Variants in DTNA observed in about 807,000 individuals in gnomAD.
The protein encoded by DTNA is dystrophin-related protein 3.
In DTNA, 43 loss-of-function variants were observed where a neutral mutation model predicts 100.7. The ratio of observed to expected loss-of-function variants is 0.43; its 90% CI spans 0.33 to 0.55. The LOEUF is 0.55. DTNA is among the 20% of genes least tolerant of loss of function. The pLI is 0.04. For synonymous variants in DTNA, 349 were observed against 347.9 expected (o/e 1.00, Z -0.04); for missense variants, 798 against 953.9 (o/e 0.84, Z 2.15).
intron 1 of DTNA, among the ~76,000 whole-genome samples, chr18:34,529,318 G>A (rs80195059): frequency 0.019 from 2,958 of 152,100 alleles, 37 homozygotes; most frequent in Non-Finnish European, 0.03. Context: ...TACAGTATGT[G>A]ATTGAAGTCA....
At chr18:34,517,460 C>CATGTGTGTGTGT (rs57616989) in intron 1 of DTNA, among the ~76,000 whole-genome samples, 42,416 of 148,844 alleles carry the variant, frequency 0.28, 7,383 homozygotes, top group East Asian at 0.66. Context: ...TTTATATACA[C>CATGTGTGTGTGT]GTGTGTGTGT....
upstream of DTNA, among the ~76,000 whole-genome samples, chr18:34,708,600 A>C (rs1162689527): frequency 6.6e-6 from 1 of 152,208 alleles, no homozygotes; most frequent in Non-Finnish European, 1.5e-5. Flanking sequence ...TGGAGCAAGC[A>C]GCCCTTGCTC....
chr18:34,865,558 C>A (rs1245743682), intron 17 of DTNA, among the ~76,000 whole-genome samples: 3 of 152,150 alleles, frequency 2.0e-5, no homozygotes, highest in African/African-American at 7.2e-5. Flanking sequence ...GAATTCAATT[C>A]TTGTTGATCT....
chr18:34,572,843 G>A (rs1396214635), intron 1 of DTNA, among the ~76,000 whole-genome samples: 1 of 152,134 alleles, frequency 6.6e-6, no homozygotes, highest in Non-Finnish European at 1.5e-5. Context: ...TGGGAAAGTG[G>A]CCTCTTTATT....
chr18:34,607,981 T>C (rs1162290893), intron 1 of DTNA, among the ~76,000 whole-genome samples: 2 of 152,208 alleles, frequency 1.3e-5, no homozygotes, highest in East Asian at 3.8e-4. Context: ...CAGTGCTTGA[T>C]CTAGAAGTGG....
Position 34,857,824 on chromosome 18 carries a change from A to G in DTNA, c.1533-461A>G, listed in dbSNP as rs539166080. 3.9e-5 allele frequency among the ~76,000 whole-genome samples: 6 copies of G among 152,280 alleles called. No homozygotes were observed. In the East Asian group the frequency reaches 9.6e-4, roughly 24 times the overall value. ...TACTTAGTTTTGTGAAATGAGCCCC[A>G]TTTATCCTTATTTTCCCTTCAGGCT... On this transcript the variant is annotated intron_variant, in intron 15 of 22. Coordinates refer to ENST00000444659, the MANE Select transcript of DTNA (RefSeq NM_001386795.1).
At chr18:34,552,261 G>C (rs2045507620) in intron 1 of DTNA, among the ~76,000 whole-genome samples, 1 of 151,974 alleles carries the variant, frequency 6.6e-6, no homozygotes, top group Admixed American at 6.6e-5. Context: ...ATGGAAGATG[G>C]TAGTATGTTG....
chr18:34,748,987 G>A (rs2091999104), intron 1 of DTNA, among the ~76,000 whole-genome samples: 1 of 152,098 alleles, frequency 6.6e-6, no homozygotes, highest in South Asian at 2.1e-4. Context: ...TTTCAGCAGT[G>A]TTTTATAGTT....
At chr18:34,542,741 T>G (rs1378330298) in intron 1 of DTNA, among the ~76,000 whole-genome samples, 3 of 151,910 alleles carry the variant, frequency 2.0e-5, no homozygotes, top group Non-Finnish European at 4.4e-5. Context: ...CTTTGGGGTT[T>G]TATATACCTG....
At chr18:34,753,972 C>T (rs2092593621) in intron 1 of DTNA, among the ~76,000 whole-genome samples, 1 of 152,068 alleles carries the variant, frequency 6.6e-6, no homozygotes, top group African/African-American at 2.4e-5. Flanking sequence ...AGTATTTGAC[C>T]ATGTTCAGCA....
chr18:34,499,184 T>A (rs1208608371), intron 1 of DTNA, among the ~76,000 whole-genome samples: 2 of 152,228 alleles, frequency 1.3e-5, no homozygotes, highest in Admixed American at 1.3e-4. Context: ...ATATGTTCTC[T>A]ATTTCTATAA....
At chr18:34,645,141 C>T (rs1480435) in intron 1 of DTNA, among the ~76,000 whole-genome samples, 18,862 of 152,060 alleles carry the variant, frequency 0.12, 1,292 homozygotes, top group African/African-American at 0.17. Context: ...TTGTTGTCAT[C>T]TTAGGAATAA....
intron 1 of DTNA, among the ~76,000 whole-genome samples, chr18:34,703,665 G>T (rs1014905671): frequency 3.3e-5 from 5 of 152,164 alleles, no homozygotes; most frequent in Non-Finnish European, 7.3e-5. Flanking sequence ...TGCTGGCAGA[G>T]TATTTGCCAC....
At chr18:34,746,494 G>A (rs778348978) in intron 1 of DTNA, among the ~76,000 whole-genome samples, 1 of 152,044 alleles carries the variant, frequency 6.6e-6, no homozygotes, top group Non-Finnish European at 1.5e-5. Flanking sequence ...TTGCTAGTGA[G>A]AAATACAGAT....
At chr18:34,542,121 AG>A (rs2044303832) in intron 1 of DTNA, among the ~76,000 whole-genome samples, 1 of 151,916 alleles carries the variant, frequency 6.6e-6, no homozygotes, top group South Asian at 2.1e-4. Context: ...GGGGAGAGAG[AG>A]CTCACCAGGA....
chr18:34,794,452 T>C (rs1311186103), intron 4 of DTNA, among the ~76,000 whole-genome samples: 1 of 152,086 alleles, frequency 6.6e-6, no homozygotes, highest in Non-Finnish European at 1.5e-5. Flanking sequence ...GAGAGTAAAA[T>C]GGTGCCAGAG....
chr18:34,758,988 A>G (rs1467367981), intron 2 of DTNA, among the ~76,000 whole-genome samples: 1 of 152,222 alleles, frequency 6.6e-6, no homozygotes, highest in Non-Finnish European at 1.5e-5. Flanking sequence ...AAGAAATGAA[A>G]TTAAGAGAAG....
At chr18:34,739,115 T>C (rs1055197027) in intron 1 of DTNA, among the ~76,000 whole-genome samples, 1 of 152,200 alleles carries the variant, frequency 6.6e-6, no homozygotes, top group Non-Finnish European at 1.5e-5. Context: ...CACCATGGAA[T>C]ACTACGCTTG....
At position 34,604,087 on chromosome 18, in the gene DTNA, G is replaced by A. The variant is rs113381334; in HGVS notation, c.-2+110573G>A. 2.6e-3 allele frequency among the ~76,000 whole-genome samples: 396 copies of A among 152,178 alleles called. 4 individuals carry two copies. Among genetic ancestry groups the A allele is most frequent in the African/African-American group, 8.8e-3 (365 of 41,550 alleles). ...CCATTTAAAATGAAGCAATTGTTCCGTGAACTGTTATACTACCAGCAACTC... is the reference window on the plus strand; with the variant it reads ...CCATTTAAAATGAAGCAATTGTTCCATGAACTGTTATACTACCAGCAACTC... On this transcript the variant is annotated intron_variant, in intron 1 of 19. Coordinates refer to the DTNA transcript ENST00000283365.
Sources: allele counts gnomAD v4.1 joint callset (sites outside exome capture counted in the v4.1 genomes callset), GRCh38; gene constraint gnomAD v4.1.1; transcripts MANE v1.5; gene names NCBI Gene and HGNC (gene_info 2026-07-23, HGNC 2026-07-21).